The following CTSC variants were observed in gnomAD, a reference collection of about 807,000 sequenced individuals.
CTSC encodes cathepsin C, also known as dipeptidyl peptidase 1.
CTSC carries 37 observed loss-of-function variants against 40.9 expected under a neutral mutation model. That is an observed-to-expected ratio of 0.91 (90% CI 0.70 to 1.19). The LOEUF (loss-of-function observed/expected upper bound fraction) is 1.19, where lower values mean the gene tolerates loss of function less well. CTSC is among the 50% of genes most tolerant of loss of function. CTSC has a pLI of 0.00. For missense variants in CTSC, 594 were observed against 567.3 expected, an observed-to-expected ratio of 1.05 and a Z score of -0.48; for synonymous variants, 232 against 207.4, an observed-to-expected ratio of 1.12 and a Z score of -1.02.
chr11:88,329,294 C>G (rs562619881), intron 2 of CTSC, among the ~76,000 whole-genome samples: 1 of 151,834 alleles, frequency 6.6e-6, no homozygotes, highest in Non-Finnish European at 1.5e-5. Context: ...CCAGTCTGGT[C>G]AACATGGTGA....
intron 2 of CTSC, among the ~76,000 whole-genome samples, chr11:88,319,684 C>T (rs1240783883): frequency 1.3e-5 from 2 of 151,904 alleles, no homozygotes; most frequent in East Asian, 1.9e-4. Flanking sequence ...AGTATTTAAT[C>T]GCTTAATATT....
intron 4 of CTSC, among the ~76,000 whole-genome samples, chr11:88,303,637 A>G (rs553355976): frequency 9.2e-5 from 14 of 152,208 alleles, no homozygotes; most frequent in Admixed American, 4.6e-4. Flanking sequence ...AGCTATCTGG[A>G]AGCTCTCTGC....
intron 2 of CTSC, among the ~76,000 whole-genome samples, chr11:88,315,461 C>T (rs371463901): frequency 6.6e-6 from 1 of 152,106 alleles, no homozygotes; most frequent in African/African-American, 2.4e-5. Context: ...AACCTGAGTT[C>T]TATAGGAAAG....
At chr11:88,319,476 C>A (rs1937949420) in intron 2 of CTSC, among the ~76,000 whole-genome samples, 1 of 151,996 alleles carries the variant, frequency 6.6e-6, no homozygotes, top group Non-Finnish European at 1.5e-5. Context: ...TACTGAAATT[C>A]TTTAAGATTT....
rs11019277 is a variant in CTSC at position 88,313,333 on chromosome 11, G to A, written c.319-779C>T. Among the ~76,000 whole-genome samples, 416 of 152,302 alleles carry A rather than the reference G, an allele frequency of 2.7e-3. 15 individuals carry two copies. The East Asian group carries it at 0.07, about 26-fold the overall frequency. On this transcript the variant is annotated intron_variant, in intron 2 of 6. Coordinates refer to ENST00000227266, the MANE Select transcript of CTSC (RefSeq NM_001814.6). ...TCCACCCACCTCGGCCTCCCAAAGTGATGGGATTACAGGTGTGAGCCACAG... is the reference window on the plus strand; with the variant it reads ...TCCACCCACCTCGGCCTCCCAAAGTAATGGGATTACAGGTGTGAGCCACAG...
Position 88,294,360 on chromosome 11 carries a change from G to A in CTSC, c.1038C>T (p.His346=), listed in dbSNP as rs1355697311. ...AGCCTCCATAGAAACCTCCTACATA[G>A]TGGTACTCAGAGGAGTAATAACGAA... The part of the protein sequence containing the change: ...DCFRYYSSEY[H]YVGGFYGGCN... Residue 346 remains histidine (H), a synonymous_variant, in exon 7 of 7, where the codon CAC becomes CAT. Coordinates refer to ENST00000227266, the MANE Select transcript of CTSC (RefSeq NM_001814.6). The A allele has an allele frequency of 6.2e-7, 1 of 1,614,098 alleles. No homozygotes were observed. Among genetic ancestry groups the A allele is most frequent in the Admixed American group, 1.7e-5 (1 of 60,008 alleles).
intron 2 of CTSC, among the ~76,000 whole-genome samples, chr11:88,328,715 C>A (rs1330179062): frequency 6.6e-6 from 1 of 152,146 alleles, no homozygotes; most frequent in Non-Finnish European, 1.5e-5. Context: ...GCAACCTCCA[C>A]CTCCCGGGTT....
intron 2 of CTSC, among the ~76,000 whole-genome samples, chr11:88,329,208 G>C (rs889552911): frequency 6.6e-6 from 1 of 152,058 alleles, no homozygotes; most frequent in South Asian, 2.1e-4. Flanking sequence ...CAGGCTGGGC[G>C]TGGTGGCTCA....
At chr11:88,307,556 C>CTTTTTT (rs5793311) in intron 4 of CTSC, among the ~76,000 whole-genome samples, 7 of 73,498 alleles carry the variant, frequency 9.5e-5, no homozygotes, top group African/African-American at 2.8e-4. Flanking sequence ...ATACTGATAA[C>CTTTTTT]TTTTTTTTTT....
rs1194409190 is a variant in CTSC, at chr11:88,335,483, AG to A, written c.173-402del. Among the ~76,000 whole-genome samples, 4 of 152,160 alleles carry A rather than the reference AG, an allele frequency of 2.6e-5. 1 individual carries two copies. Among genetic ancestry groups the A allele is most frequent in the African/African-American group, 9.7e-5 (4 of 41,430 alleles). On this transcript the variant is annotated intron_variant, in intron 1 of 6. Transcript: ENST00000227266. ...CCAGCTATTTGAGCGGCTGAAGCTG[AG>A]GTGGAAGGATTGCTTGAGCCCAGGA... is the stretch of plus-strand genomic sequence containing the variant.
intron 2 of CTSC, among the ~76,000 whole-genome samples, chr11:88,319,980 G>T (rs1937962092): frequency 6.6e-6 from 1 of 152,128 alleles, no homozygotes; most frequent in Non-Finnish European, 1.5e-5. Flanking sequence ...TCCATTTGCT[G>T]TCAGAAAGGA....
chr11:88,326,275 G>T, intron 2 of CTSC: 1 of 1,590,046 alleles, frequency 6.3e-7, no homozygotes, highest in Admixed American at 1.8e-5. Flanking sequence ...GGACTCCTTT[G>T]CATTTTGCAT....
Position 88,337,732 on chromosome 11 carries a change from G to A in CTSC, c.-60C>T, listed in dbSNP as rs1054736670. The A allele has an allele frequency of 1.3e-5, 20 of 1,539,848 alleles. No individual in the cohort carries two copies. In the African/African-American group the frequency reaches 2.6e-4, roughly 20 times the overall value. The stretch of plus-strand genomic sequence containing the variant: ...CCAGGAAGCCGAGCGCTGCGGGCTA[G>A]CGGTGAGTCCACCACGAGGCGCGCG... On this transcript the variant is annotated 5_prime_UTR_variant, in exon 1 of 7. Coordinates refer to ENST00000227266, the MANE Select transcript of CTSC (RefSeq NM_001814.6).
At chr11:88,294,531 G>A in intron 6 of CTSC, 23 bp from the exon 7 acceptor site, 2 of 1,613,412 alleles carry the variant, frequency 1.2e-6, no homozygotes, top group South Asian at 1.1e-5. Flanking sequence ...AACACACATG[G>A]TTACCCCTTA....
intron 2 of CTSC, among the ~76,000 whole-genome samples, chr11:88,332,844 G>T (rs144412836): frequency 2.0e-4 from 31 of 152,276 alleles, no homozygotes; most frequent in African/African-American, 7.2e-4. Context: ...ATAAGGATTC[G>T]ATCAATGCCA....
intron 2 of CTSC, among the ~76,000 whole-genome samples, chr11:88,315,349 TTAAAAA>T (rs1374617076): frequency 6.6e-6 from 1 of 151,882 alleles, no homozygotes; most frequent in African/African-American, 2.4e-5. Context: ...ATAACACAAG[TTAAAAA>T]TAAAAACAAT....
chr11:88,307,998 G>C (rs970831947), intron 4 of CTSC, among the ~76,000 whole-genome samples: 20 of 152,192 alleles, frequency 1.3e-4, no homozygotes, highest in African/African-American at 4.8e-4. Flanking sequence ...CTTGGTATAA[G>C]AGGATGAAAC....
At chr11:88,328,201 A>G (rs749884443) in intron 2 of CTSC, 1 of 1,602,982 alleles carries the variant, frequency 6.2e-7, no homozygotes, top group Non-Finnish European at 8.5e-7. Context: ...GACATCCTAC[A>G]AAGAGTTTAC....
At chr11:88,307,556 CTTTTT>C (rs5793311) in intron 4 of CTSC, among the ~76,000 whole-genome samples, 1 of 73,490 alleles carries the variant, frequency 1.4e-5, no homozygotes, top group Non-Finnish European at 2.5e-5. Context: ...ATACTGATAA[CTTTTT>C]TTTTTTTTTT....
Sources: allele counts gnomAD v4.1 joint callset (sites outside exome capture counted in the v4.1 genomes callset), GRCh38; gene constraint gnomAD v4.1.1; transcripts MANE v1.5; gene names NCBI Gene and HGNC (gene_info 2026-07-23, HGNC 2026-07-21).